The following DNAH5 variants were observed in gnomAD, a reference collection of about 807,000 sequenced individuals.
DNAH5 encodes dynein axonemal heavy chain 5, also known as axonemal beta dynein heavy chain 5.
DNAH5 carries 372 observed loss-of-function variants against 518.2 expected under a neutral mutation model. The observed-to-expected ratio is 0.72, with a 90% CI of 0.66 to 0.78. The LOEUF is 0.78. DNAH5 is among the 30% of genes least tolerant of loss of function. The probability of loss-of-function intolerance (pLI) is 0.00; values close to 1 mark genes in which losing one functional copy is unlikely to be tolerated. For missense variants in DNAH5, 5,523 were observed against 5,687.0 expected, an observed-to-expected ratio of 0.97 and a Z score of 0.93; for synonymous variants, 2,039 against 2,025.9, an observed-to-expected ratio of 1.01 and a Z score of -0.17.
chr5:13,950,250 T>C (rs887779659), intron 1 of DNAH5, among the ~76,000 whole-genome samples: 1 of 152,094 alleles, frequency 6.6e-6, no homozygotes, highest in African/African-American at 2.4e-5. Context: ...CAGATGCCCA[T>C]ATTTTGAACA....
At chr5:13,928,043 A>G in intron 3 of DNAH5, 51 bp downstream of exon 3, 1 of 1,471,388 alleles carries the variant, frequency 6.8e-7, no homozygotes, top group Non-Finnish European at 9.5e-7. Context: ...AGCTACCCTC[A>G]GATAAATCTA....
Position 13,701,418 on chromosome 5 carries a change from T to A in DNAH5, c.13357A>T (p.Thr4453Ser). 6.2e-7 allele frequency: 1 copy of A among 1,612,702 alleles called. No homozygotes were observed. The highest frequency in any genetic ancestry group is 8.5e-7 in the Non-Finnish European group (1 of 1,178,870). Residue 4453 changes from threonine (T) to serine (S), a missense_variant, in exon 77 of 79, where the codon ACA (threonine) becomes TCA (serine). This residue lies in a region of DNAH5 where 387 missense variants were observed against 430.0 expected (regional missense o/e 0.90). Coordinates refer to ENST00000265104, the MANE Select transcript of DNAH5 (RefSeq NM_001369.3). ...WWKKASWISS[T>S]LGFWFTELIE... ...AGTTCAGTAAACCAGAAACCCAGTG[T>A]ACTAGAAATCCAAGAAGCCTGCAAT...
intron 68 of DNAH5, among the ~76,000 whole-genome samples, chr5:13,732,217 C>G (rs1746679497): frequency 6.6e-6 from 1 of 151,970 alleles, no homozygotes; most frequent in Non-Finnish European, 1.5e-5. Flanking sequence ...TGCTTATCAA[C>G]AACTGAAATT....
At chr5:13,902,540 C>T (rs1454583626) in intron 12 of DNAH5, among the ~76,000 whole-genome samples, 1 of 152,210 alleles carries the variant, frequency 6.6e-6, no homozygotes, top group East Asian at 1.9e-4. Context: ...TGCAAAGAGG[C>T]TTGACATCTG....
At chr5:13,896,584 A>T (rs146617965) in intron 15 of DNAH5, 2 of 152,196 alleles carry the variant, frequency 1.3e-5, no homozygotes, top group Non-Finnish European at 2.9e-5. Context: ...GTTTTACCCA[A>T]TTAGACTATA....
chr5:13,784,553 G>A (rs774417824), intron 52 of DNAH5, among the ~76,000 whole-genome samples: 4 of 152,102 alleles, frequency 2.6e-5, no homozygotes, highest in Non-Finnish European at 4.4e-5. Context: ...CTTTCTTGCA[G>A]GGAAAAGGAG....
chr5:13,862,862 A>G, intron 28 of DNAH5, 115 bp from the exon 29 acceptor site: 1 of 318,186 alleles, frequency 3.1e-6, no homozygotes, highest in South Asian at 1.4e-4. Flanking sequence ...AAATATATAT[A>G]TAAACTTTTA....
At position 13,799,288 on chromosome 5, in the gene DNAH5, G is replaced by A. The variant is rs1218087451; in HGVS notation, c.7888-5230C>T. 2.0e-5 allele frequency among the ~76,000 whole-genome samples: 3 copies of A among 149,482 alleles called. No individual in the cohort carries two copies. The East Asian group carries it at 6.0e-4, about 30-fold the overall frequency. ...AATGAATTGAAATGCACCTCCTTAT[G>A]GCCAACTAGGACTTCCAGACATTCC... is the stretch of plus-strand genomic sequence containing the variant. On this transcript the variant is annotated intron_variant, in intron 47 of 78. Transcript: ENST00000265104.
At chr5:13,759,065 A>G in intron 60 of DNAH5, 82 bp from the exon 61 acceptor site, 2 of 1,369,838 alleles carry the variant, frequency 1.5e-6, no homozygotes, top group Non-Finnish European at 2.0e-6. Context: ...AACTCAGCTA[A>G]CGTCACATGT....
At chr5:13,927,804 T>C (rs1326941842) in intron 3 of DNAH5, among the ~76,000 whole-genome samples, 1 of 152,226 alleles carries the variant, frequency 6.6e-6, no homozygotes, top group Non-Finnish European at 1.5e-5. Flanking sequence ...TACTTTATTA[T>C]CTTCATTGCC....
rs1476624627 is a variant in DNAH5 at position 13,844,851 on chromosome 5, T to C, written c.5257A>G (p.Lys1753Glu). 6.2e-7 allele frequency: 1 copy of C among 1,614,216 alleles called. No individual in the cohort carries two copies. The highest frequency in any genetic ancestry group is 8.5e-7 in the Non-Finnish European group (1 of 1,180,028). ...ATTAGGCGAACCTTTTCGTGGAACTTGACAGATTTAATGTTGTCAAACACA... is the reference window on the plus strand; with the variant it reads ...ATTAGGCGAACCTTTTCGTGGAACTCGACAGATTTAATGTTGTCAAACACA... ...LNVFDNIKSV[K>E]FHEKIYDRIL... The change falls in exon 32 of 79, where the codon AAG becomes GAG. Residue 1753 changes from lysine (K) to glutamate (E), a missense_variant. Transcript: ENST00000265104.
At chr5:13,824,991 A>C (rs1762708390) in intron 38 of DNAH5, among the ~76,000 whole-genome samples, 1 of 152,240 alleles carries the variant, frequency 6.6e-6, no homozygotes. Context: ...TCCTCAAAAA[A>C]TTAAAAACGG....
Position 13,882,820 on chromosome 5 carries a change from A to G in DNAH5, c.3175-5T>C, listed in dbSNP as rs773041687. On this transcript the variant is annotated splice_polypyrimidine_tract_variant and splice_region_variant and intron_variant, in intron 20 of 78. Transcript: ENST00000265104. ...TTTTCTTTCTTGTATCTTTTTCTACAATGTAAAAGGATATTTTTCAGTTCT... is the reference window on the plus strand; with the variant it reads ...TTTTCTTTCTTGTATCTTTTTCTACGATGTAAAAGGATATTTTTCAGTTCT... 13 of 1,613,746 alleles carry G rather than the reference A, an allele frequency of 8.1e-6. No individual in the cohort carries two copies. Among genetic ancestry groups the G allele is most frequent in the Non-Finnish European group, 1.0e-5 (12 of 1,179,782 alleles).
chr5:13,769,184 T>C (rs777044607), intron 57 of DNAH5, 48 bp from the exon 58 acceptor site: 55 of 1,592,696 alleles, frequency 3.5e-5, no homozygotes, highest in Non-Finnish European at 4.6e-5. Context: ...GTATTAAACA[T>C]CCAGCTGAAA....
chr5:14,007,205 T>C (rs1784780521), intron 1 of DNAH5, among the ~76,000 whole-genome samples: 2 of 152,256 alleles, frequency 1.3e-5, no homozygotes, highest in South Asian at 4.1e-4. Context: ...GAGCTAGGCC[T>C]TGCCCAGTTC....
chr5:13,705,943 G>C (rs542473345), intron 76 of DNAH5, among the ~76,000 whole-genome samples: 1 of 152,254 alleles, frequency 6.6e-6, no homozygotes, highest in Non-Finnish European at 1.5e-5. Context: ...TAGACACTCT[G>C]AAGGGAGCAC....
intron 8 of DNAH5, 140 bp from the exon 9 acceptor site, chr5:13,916,595 G>T: frequency 2.3e-6 from 1 of 436,684 alleles, no homozygotes; most frequent in South Asian, 2.8e-5. Context: ...TGCTTTACAT[G>T]AAAATAATAT....
chr5:13,934,255 G>A (rs1778705950), intron 1 of DNAH5, among the ~76,000 whole-genome samples: 2 of 152,142 alleles, frequency 1.3e-5, no homozygotes, highest in Admixed American at 1.3e-4. Context: ...CCAACTTTCA[G>A]CCATTTGAGT....
intron 56 of DNAH5, 115 bp downstream of exon 56, chr5:13,770,634 A>T: frequency 1.1e-6 from 1 of 893,926 alleles, no homozygotes; most frequent in Non-Finnish European, 1.7e-6. Context: ...CCCTGCCGCC[A>T]CAGCTATGAT....
Sources: gnomAD v4.1 joint callset for allele counts (sites outside exome capture counted in the v4.1 genomes callset) on GRCh38, gnomAD v4.1.1 for gene constraint, gnomAD v4.1.1 regional missense constraint, MANE v1.5 for transcripts, NCBI Gene and HGNC (gene_info 2026-07-23, HGNC 2026-07-21) for gene names.